Variants in SMARCA2 observed in about 807,000 individuals in gnomAD.
SMARCA2 encodes the protein SWI/SNF-related matrix-associated actin-dependent regulator of chromatin subfamily A member 2.
SMARCA2 carries 61 observed loss-of-function variants against 199.8 expected under a neutral mutation model. That is an observed-to-expected ratio of 0.31 (90% CI 0.25 to 0.38). The LOEUF (loss-of-function observed/expected upper bound fraction) is 0.38, where lower values mean the gene tolerates loss of function less well. SMARCA2 is among the 10% of genes least tolerant of loss of function. SMARCA2 has a pLI of 1.00. For missense variants in SMARCA2, 1,344 were observed against 2,012.2 expected (o/e 0.67, Z 6.35); for synonymous variants, 935 against 732.0 (o/e 1.28, Z -4.48).
chr9:2,082,391 A>G (rs1821607254), intron 15 of SMARCA2, among the ~76,000 whole-genome samples: 1 of 151,558 alleles, frequency 6.6e-6, no homozygotes, highest in South Asian at 2.1e-4. Flanking sequence ...CCAAAAGATG[A>G]TATATTCTTA....
chr9:2,129,856 A>C (rs1306636250), intron 27 of SMARCA2, among the ~76,000 whole-genome samples: 1 of 152,118 alleles, frequency 6.6e-6, no homozygotes, highest in East Asian at 1.9e-4. Flanking sequence ...CAAAGACCAG[A>C]CAAATTCTTT....
intron 27 of SMARCA2, among the ~76,000 whole-genome samples, chr9:2,154,903 G>A (rs563312215): frequency 6.6e-6 from 1 of 152,310 alleles, no homozygotes; most frequent in African/African-American, 2.4e-5. Context: ...CAGACAAGCG[G>A]ATGGAGTTCC....
intron 27 of SMARCA2, among the ~76,000 whole-genome samples, chr9:2,142,166 T>G (rs1193113961): frequency 6.6e-6 from 1 of 152,192 alleles, no homozygotes; most frequent in African/African-American, 2.4e-5. Flanking sequence ...GGCTAGTGGG[T>G]GTTGGTCTTC....
intron 27 of SMARCA2, chr9:2,159,499 A>G (rs1825554467): frequency 4.4e-6 from 1 of 229,680 alleles, no homozygotes; most frequent in South Asian, 1.1e-4. Context: ...ACCTTGTTTT[A>G]ATTTTTTAAA....
intron 31 of SMARCA2, among the ~76,000 whole-genome samples, chr9:2,185,660 G>A (rs1321838514): frequency 1.3e-5 from 2 of 152,210 alleles, no homozygotes; most frequent in Non-Finnish European, 2.9e-5. Context: ...ATAGAGTGTT[G>A]ATTGGATAAG....
At chr9:2,040,074 C>A in intron 4 of SMARCA2, 174 bp downstream of exon 4, 4 of 1,237,544 alleles carry the variant, frequency 3.2e-6, no homozygotes, top group Non-Finnish European at 3.3e-6. Context: ...TCTTCCCCTG[C>A]TGTTGAGACC....
intron 5 of SMARCA2, among the ~76,000 whole-genome samples, chr9:2,051,984 T>C (rs1169035161): frequency 6.6e-6 from 1 of 152,178 alleles, no homozygotes; most frequent in African/African-American, 2.4e-5. Context: ...TTTCATATAG[T>C]GAAAATTAAA....
At chr9:2,138,081 A>G (rs1034313043) in intron 27 of SMARCA2, among the ~76,000 whole-genome samples, 1 of 152,138 alleles carries the variant, frequency 6.6e-6, no homozygotes, top group Admixed American at 6.6e-5. Flanking sequence ...AAGTACAAGC[A>G]TTGCTTCAAC....
At chr9:2,190,142 AT>A (rs1381502453) in intron 32 of SMARCA2, among the ~76,000 whole-genome samples, 1 of 152,202 alleles carries the variant, frequency 6.6e-6, no homozygotes, top group Non-Finnish European at 1.5e-5. Context: ...TATTTGTGAT[AT>A]TGTACCTTGA....
At chr9:2,092,867 A>G (rs1394443253) in intron 19 of SMARCA2, among the ~76,000 whole-genome samples, 1 of 152,228 alleles carries the variant, frequency 6.6e-6, no homozygotes, top group Non-Finnish European at 1.5e-5. Context: ...GAGCTTTCAC[A>G]TGCATGCTCT....
rs567406576 is a variant in SMARCA2 at position 2,082,002 on chromosome 9, A to G, written c.2348+7A>G. 1 of 1,611,248 alleles carries G rather than the reference A, an allele frequency of 6.2e-7. No individual in the cohort carries two copies. Among genetic ancestry groups the G allele is most frequent in the South Asian group, 1.1e-5 (1 of 90,700 alleles). ...TCATCATTGTTCCCCTTTCGTAAGT[A>G]AAGTCATTTATTCCACAGTCATCGT... On this transcript the variant is annotated splice_region_variant and intron_variant, in intron 15 of 33. Transcript: ENST00000349721.
At chr9:2,064,251 G>C (rs1272941610) in intron 9 of SMARCA2, among the ~76,000 whole-genome samples, 1 of 152,152 alleles carries the variant, frequency 6.6e-6, no homozygotes, top group African/African-American at 2.4e-5. Flanking sequence ...AAAACTACAT[G>C]AGAAAATATT....
chr9:2,025,652 A>G (rs954285315), intron 1 of SMARCA2, among the ~76,000 whole-genome samples: 9 of 152,132 alleles, frequency 5.9e-5, no homozygotes, highest in African/African-American at 2.2e-4. Context: ...GGAGAAGTGG[A>G]GTTGGCCAAT....
At chr9:2,045,054 G>A (rs1179910415) in intron 4 of SMARCA2, 1 of 152,138 alleles carries the variant, frequency 6.6e-6, no homozygotes, top group East Asian at 1.9e-4. Context: ...TCTTCTGCAT[G>A]GGTATTTATA....
intron 9 of SMARCA2, among the ~76,000 whole-genome samples, chr9:2,061,948 A>G (rs1820610910): frequency 6.6e-6 from 1 of 152,340 alleles, no homozygotes; most frequent in Admixed American, 6.5e-5. Flanking sequence ...GTGAAGATGA[A>G]CGAGAGATGA....
Position 2,191,571 on chromosome 9 carries a change from G to C in SMARCA2, c.4737+163G>C, listed in dbSNP as rs1827887765. 9.8e-6 allele frequency: 7 copies of C among 716,988 alleles called. No homozygotes were observed. In the South Asian group the frequency reaches 1.5e-4, roughly 16 times the overall value. The allele number at this position is 716,988 out of a possible 1,614,324, so 44.4% of individuals were successfully genotyped here. ...TTGAGGGATGTGAACGGAGCTGTAT[G>C]ATTTAGAACAAAGGATTGGGGGCTT... On this transcript the variant is annotated intron_variant, in intron 33 of 33. Coordinates refer to ENST00000349721, the MANE Select transcript of SMARCA2 (RefSeq NM_003070.5).
At chr9:2,070,559 A>C in intron 10 of SMARCA2, 88 bp downstream of exon 10, 1 of 899,048 alleles carries the variant, frequency 1.1e-6, no homozygotes, top group Non-Finnish European at 1.8e-6. Context: ...ATACTATTTT[A>C]TTCTTACTGT....
rs1823196174 is a variant in SMARCA2, at chr9:2,115,908, G to A, written c.3543G>A (p.Glu1181=). ...VLRLCTVNSV[E]EKILAAAKYK... is the part of the protein sequence containing the mutation. ...GGCTCTGTACCGTGAACAGCGTGGA[G>A]GAAAAGATCCTCGCGGCCGCAAAAT... The change falls in exon 25 of 34, where the codon GAG becomes GAA. Residue 1181 remains glutamate, a synonymous_variant. Coordinates refer to ENST00000349721, the MANE Select transcript of SMARCA2 (RefSeq NM_003070.5). This position sits in a 1 kb window ranked among gnomAD's most constrained non-coding sequence, Gnocchi z 6.0. 6.2e-7 allele frequency: 1 copy of A among 1,614,094 alleles called. No individual in the cohort carries two copies. Among genetic ancestry groups the A allele is most frequent in the Admixed American group, 1.7e-5 (1 of 60,020 alleles).
At position 2,077,877 on chromosome 9, in the gene SMARCA2, T is replaced by A. The variant is rs192877515; in HGVS notation, c.2184+101T>A. 6.5e-5 allele frequency: 68 copies of A among 1,048,702 alleles called. No individual in the cohort carries two copies. The African/African-American group carries it at 7.9e-4, about 12-fold the overall frequency. 65.0% of individuals were successfully genotyped at this position (1,048,702 alleles called of 1,614,324 possible). A position where few individuals can be genotyped will look rare whatever the true frequency, so the allele number is the denominator to read the frequency against. On this transcript the variant is annotated intron_variant, in intron 14 of 33. Transcript: ENST00000349721. ...TGTTGACTAAGGGCTTTTGATGATA[T>A]TTTAGGCCACATCACTTATAATACT...
Sources: gnomAD v4.1 joint callset for allele counts (sites outside exome capture counted in the v4.1 genomes callset) on GRCh38, gnomAD v4.1.1 for gene constraint, Gnocchi (gnomAD v3.1) non-coding constraint, MANE v1.5 for transcripts, NCBI Gene and HGNC (gene_info 2026-07-23, HGNC 2026-07-21) for gene names.